The following DDHD2 variants were observed in gnomAD, a reference collection of about 807,000 sequenced individuals.
DDHD2 encodes DDHD domain containing 2, also known as triacylglycerol hydrolase DDHD2.
A neutral mutation model predicts 91.2 loss-of-function variants in DDHD2; 62 were observed. The ratio of observed to expected loss-of-function variants is 0.68; its 90% confidence interval spans 0.55 to 0.84. The LOEUF (loss-of-function observed/expected upper bound fraction) is 0.84, where lower values mean the gene tolerates loss of function less well. DDHD2 is among the 40% of genes least tolerant of loss of function. DDHD2 has a pLI of 0.00. For synonymous variants in DDHD2, 271 were observed against 293.9 expected, an observed-to-expected ratio of 0.92 and a Z score of 0.80; for missense variants, 740 against 846.9, an observed-to-expected ratio of 0.87 and a Z score of 1.57.
rs1805967448 is a variant in DDHD2, at chr8:38,249,808, G to A, written c.1344+5G>A. 5 of 1,576,646 alleles carry A rather than the reference G, an allele frequency of 3.2e-6. No homozygotes were observed. The East Asian group carries it at 6.7e-5, about 21-fold the overall frequency. ...AGCACCAGAAAAAACTCAATGGTAT[G>A]TGCCTAATACAGCTTGTTGGACTAA... is the stretch of plus-strand genomic sequence containing the variant. On this transcript the variant is annotated splice_donor_5th_base_variant and intron_variant, in intron 11 of 17. Coordinates refer to ENST00000397166, the MANE Select transcript of DDHD2 (RefSeq NM_015214.3).
At chr8:38,250,370 T>G (rs1806021890) in intron 11 of DDHD2, 1 of 152,008 alleles carries the variant, frequency 6.6e-6, no homozygotes, top group Admixed American at 6.6e-5. Flanking sequence ...TTCAAGCAAT[T>G]CTCCTGCTTC....
chr8:38,257,162 G>A (rs751605465), intron 16 of DDHD2, among the ~76,000 whole-genome samples: 6 of 151,366 alleles, frequency 4.0e-5, no homozygotes, highest in Non-Finnish European at 7.4e-5. Context: ...TTGAACTCCT[G>A]GGCTCCAGTG....
chr8:38,252,675 G>C, intron 13 of DDHD2, 47 bp from the exon 14 acceptor site: 1 of 1,296,918 alleles, frequency 7.7e-7, no homozygotes, highest in Non-Finnish European at 1.1e-6. Context: ...ATAGTTTCCA[G>C]ACTGTGCTTA....
chr8:38,267,449 G>A (rs1346994758), downstream of DDHD2: 2 of 1,590,648 alleles, frequency 1.3e-6, no homozygotes, highest in Non-Finnish European at 8.6e-7. Flanking sequence ...TTATTTTTCA[G>A]TTGTAGCAGA....
chr8:38,232,402 C>T (rs536544036), intron 1 of DDHD2, among the ~76,000 whole-genome samples: 34 of 152,254 alleles, frequency 2.2e-4, no homozygotes, highest in South Asian at 1.0e-3. Context: ...TGGGAGTGGG[C>T]GTGCGTGTGC....
Position 38,249,799 on chromosome 8 carries a change from C to A in DDHD2, c.1340C>A (p.Ser447Ter). 6.3e-7 allele frequency: 1 copy of A among 1,596,496 alleles called. No homozygotes were observed. The highest frequency in any genetic ancestry group is 1.1e-5 in the South Asian group (1 of 90,476). Reference sequence around the variant, plus strand: ...AACTATTTCAGCACCAGAAAAAACTCAATGGTATGTGCCTAATACAGCTTG... The same window carrying A: ...AACTATTTCAGCACCAGAAAAAACTAAATGGTATGTGCCTAATACAGCTTG... ...ILNYFSTRKN[S>*]MGIKRPAPQP... Residue 447 changes from serine (S) to a stop codon, truncating the protein, a stop_gained, in exon 11 of 18, where the codon TCA becomes TAA. Transcript: ENST00000397166. LOFTEE classifies it high-confidence loss of function.
At chr8:38,250,009 C>T (rs1177106204) in intron 11 of DDHD2, 6 of 250,936 alleles carry the variant, frequency 2.4e-5, no homozygotes, top group South Asian at 6.9e-5. Context: ...CTCTGCCTCC[C>T]GGGTTCAAGC....
intron 16 of DDHD2, among the ~76,000 whole-genome samples, chr8:38,259,090 G>A (rs1419368114): frequency 2.0e-5 from 3 of 152,148 alleles, no homozygotes; most frequent in Non-Finnish European, 4.4e-5. Flanking sequence ...GGAACCTTAT[G>A]ATTGTATTAC....
At chr8:38,248,366 A>ATT (rs1805816524) in intron 10 of DDHD2, among the ~76,000 whole-genome samples, 1 of 124,366 alleles carries the variant, frequency 8.0e-6, no homozygotes, top group African/African-American at 3.0e-5. Context: ...CAGCCAGCTG[A>ATT]TTTGTTTTTT....
chr8:38,241,677 C>A (rs964692888), intron 6 of DDHD2, among the ~76,000 whole-genome samples: 1 of 151,720 alleles, frequency 6.6e-6, no homozygotes, highest in Admixed American at 6.6e-5. Context: ...CCTTGGCCCC[C>A]CAAAGTGCTG....
chr8:38,266,921 T>C (rs372160674), downstream of DDHD2: 8 of 574,932 alleles, frequency 1.4e-5, no homozygotes, highest in African/African-American at 1.1e-4. Context: ...CATTGGATTA[T>C]TGTGAGCTAT....
intron 7 of DDHD2, among the ~76,000 whole-genome samples, chr8:38,245,029 AT>A (rs1280465090): frequency 6.6e-6 from 1 of 150,814 alleles, no homozygotes; most frequent in Non-Finnish European, 1.5e-5. Flanking sequence ...TAATTATATA[AT>A]TATATACATT....
intron 6 of DDHD2, chr8:38,241,955 G>C (rs1441817818): frequency 4.1e-6 from 1 of 243,668 alleles, no homozygotes; most frequent in Non-Finnish European, 7.8e-6. Flanking sequence ...TCAAGAGGCT[G>C]AGGCAGGAGA....
chr8:38,268,853 G>T, intron 1 of DDHD2: 1 of 1,526,722 alleles, frequency 6.5e-7, no homozygotes, highest in Non-Finnish European at 8.8e-7. Context: ...GTCATGGGGA[G>T]GGAGGAAAGA....
chr8:38,267,229 A>G, downstream of DDHD2: 1 of 1,613,860 alleles, frequency 6.2e-7, no homozygotes. Flanking sequence ...CAATGATGTG[A>G]AAACAAGCAT....
intron 1 of DDHD2, chr8:38,232,215 G>T (rs1049700534): frequency 2.6e-5 from 4 of 153,338 alleles, no homozygotes; most frequent in African/African-American, 9.6e-5. Context: ...GCCCGCGCGA[G>T]ATGCCCTCCT....
At chr8:38,252,394 G>A (rs1806180004) in intron 13 of DDHD2, 107 bp downstream of exon 13, 1 of 1,239,516 alleles carries the variant, frequency 8.1e-7, no homozygotes, top group Non-Finnish European at 1.1e-6. Flanking sequence ...CCATTGTCTA[G>A]CAATGAGACA....
At chr8:38,268,023 G>A (rs1177705487) in intron 1 of DDHD2, 117 of 1,612,036 alleles carry the variant, frequency 7.3e-5, no homozygotes, top group African/African-American at 9.3e-5. Context: ...TCATGGCCTC[G>A]TTATGAGAGC....
intron 16 of DDHD2, among the ~76,000 whole-genome samples, chr8:38,257,540 C>T (rs533389943): frequency 1.3e-5 from 2 of 151,756 alleles, no homozygotes; most frequent in Non-Finnish European, 2.9e-5. Context: ...TGAGCCACTG[C>T]GCCTGCTCAA....
Sources: gnomAD v4.1 joint callset for allele counts (sites outside exome capture counted in the v4.1 genomes callset) on GRCh38, gnomAD v4.1.1 for gene constraint, MANE v1.5 for transcripts, NCBI Gene and HGNC (gene_info 2026-07-23, HGNC 2026-07-21) for gene names.